The following C12orf42 variants were observed in gnomAD, a reference collection of about 807,000 sequenced individuals.
C12orf42 encodes chromosome 12 open reading frame 42, also known as uncharacterized protein C12orf42.
Under a neutral mutation model 21.6 loss-of-function variants are expected in C12orf42, and 25 were observed. The observed-to-expected ratio is 1.16, with a 90% CI of 0.84 to 1.62. The LOEUF (loss-of-function observed/expected upper bound fraction) is 1.62, where lower values mean the gene tolerates loss of function less well. Ranked by LOEUF, C12orf42 falls within the 40% of genes most tolerant of loss-of-function variation. The probability of loss-of-function intolerance (pLI) is 0.00; values close to 1 mark genes in which losing one functional copy is unlikely to be tolerated. For missense variants in C12orf42, 483 were observed against 459.3 expected, an observed-to-expected ratio of 1.05 and a Z score of -0.47; for synonymous variants, 174 against 175.0, an observed-to-expected ratio of 0.99 and a Z score of 0.05.
the C12orf42 span, among the ~76,000 whole-genome samples, chr12:103,197,818 C>T: frequency 6.6e-6 from 1 of 152,042 alleles, no homozygotes; most frequent in Admixed American, 6.6e-5. Flanking sequence ...TTCTGGATGA[C>T]TTCAGTGAGA....
chr12:103,286,145 G>A (rs535617201), intron 4 of C12orf42, among the ~76,000 whole-genome samples: 20 of 152,114 alleles, frequency 1.3e-4, no homozygotes, highest in Middle Eastern at 3.4e-3. Context: ...CAGCTACTCC[G>A]GAGGCTGAGG....
At chr12:103,260,765 A>T (rs1023274740) in intron 10 of C12orf42, among the ~76,000 whole-genome samples, 1 of 152,174 alleles carries the variant, frequency 6.6e-6, no homozygotes, top group African/African-American at 2.4e-5. Flanking sequence ...GTTTTTGCAT[A>T]GTTTATCCAG....
downstream of C12orf42, among the ~76,000 whole-genome samples, chr12:103,232,932 G>C (rs146639401): frequency 2.2e-3 from 329 of 152,030 alleles, 5 homozygotes; most frequent in African/African-American, 7.5e-3. Flanking sequence ...GTACCTATTG[G>C]GGGGGTATAT....
intron 4 of C12orf42, among the ~76,000 whole-genome samples, chr12:103,368,550 T>C (rs1242281216): frequency 1.3e-5 from 2 of 152,084 alleles, no homozygotes; most frequent in East Asian, 1.9e-4. Flanking sequence ...TTCTGTACTT[T>C]TGAAATTACA....
At chr12:103,555,371 T>C in the C12orf42 span, among the ~76,000 whole-genome samples, 1 of 152,088 alleles carries the variant, frequency 6.6e-6, no homozygotes, top group Non-Finnish European at 1.5e-5. Context: ...TCATGAGACT[T>C]ATTCACTATC....
the C12orf42 span, among the ~76,000 whole-genome samples, chr12:103,084,090 A>G: frequency 6.6e-6 from 1 of 152,204 alleles, no homozygotes; most frequent in East Asian, 1.9e-4. Flanking sequence ...AAATTTTATG[A>G]GAATTGGCAC....
the C12orf42 span, among the ~76,000 whole-genome samples, chr12:103,097,739 G>T: frequency 6.6e-6 from 1 of 152,202 alleles, no homozygotes; most frequent in African/African-American, 2.4e-5. Context: ...GACAGGTAAT[G>T]ATTTGTGACA....
the C12orf42 span, among the ~76,000 whole-genome samples, chr12:103,115,314 T>C: frequency 6.6e-6 from 1 of 152,190 alleles, no homozygotes; most frequent in African/African-American, 2.4e-5. Flanking sequence ...GTTGAAGTTT[T>C]AACATGATAT....
At chr12:103,135,691 T>C in the C12orf42 span, among the ~76,000 whole-genome samples, 1 of 152,004 alleles carries the variant, frequency 6.6e-6, no homozygotes, top group Non-Finnish European at 1.5e-5. Context: ...TAACAGTACA[T>C]CAAACAAATA....
At chr12:103,142,769 C>T in the C12orf42 span, among the ~76,000 whole-genome samples, 2 of 152,188 alleles carry the variant, frequency 1.3e-5, no homozygotes, top group African/African-American at 4.8e-5. Flanking sequence ...TATCTCCATA[C>T]TCAAGGCATT....
At chr12:103,126,412 T>C in the C12orf42 span, among the ~76,000 whole-genome samples, 6 of 152,212 alleles carry the variant, frequency 3.9e-5, no homozygotes, top group African/African-American at 1.4e-4. Flanking sequence ...TAACTAGGAA[T>C]GAGTAACTTC....
At chr12:103,496,877 G>A (rs1955570665), upstream of C12orf42, among the ~76,000 whole-genome samples, 2 of 147,116 alleles carry the variant, frequency 1.4e-5, no homozygotes, top group Admixed American at 1.4e-4. Flanking sequence ...TCATTCAAAG[G>A]TCTAGCAACT....
chr12:103,168,501 T>G, the C12orf42 span, among the ~76,000 whole-genome samples: 1 of 152,208 alleles, frequency 6.6e-6, no homozygotes, highest in Non-Finnish European at 1.5e-5. Context: ...CTTTACATAG[T>G]GAGCTTACAC....
chr12:103,127,253 T>C, the C12orf42 span, among the ~76,000 whole-genome samples: 1 of 152,214 alleles, frequency 6.6e-6, no homozygotes, highest in Admixed American at 6.5e-5. Context: ...CTAATTGTTG[T>C]GTTTCTTATA....
At chr12:103,214,985 C>T in the C12orf42 span, among the ~76,000 whole-genome samples, 1 of 152,148 alleles carries the variant, frequency 6.6e-6, no homozygotes, top group African/African-American at 2.4e-5. Flanking sequence ...TGCAACATTC[C>T]TCTCGAGCAA....
chr12:103,190,434 C>T, the C12orf42 span, among the ~76,000 whole-genome samples: 2 of 152,108 alleles, frequency 1.3e-5, no homozygotes, highest in East Asian at 3.9e-4. Flanking sequence ...AGAAACAAGG[C>T]TTCACCAGCC....
At chr12:103,461,479 A>G (rs1474560655) in intron 2 of C12orf42, among the ~76,000 whole-genome samples, 1 of 152,214 alleles carries the variant, frequency 6.6e-6, no homozygotes, top group East Asian at 1.9e-4. Flanking sequence ...TATCTTCCAG[A>G]CCCACTTTGC....
the C12orf42 span, among the ~76,000 whole-genome samples, chr12:103,208,332 G>GC: frequency 6.6e-6 from 1 of 152,060 alleles, no homozygotes; most frequent in South Asian, 2.1e-4. Flanking sequence ...TCCCCACACG[G>GC]CCCCCCTTTA....
At chr12:103,440,914 G>A (rs1259191109) in intron 2 of C12orf42, among the ~76,000 whole-genome samples, 1 of 152,114 alleles carries the variant, frequency 6.6e-6, no homozygotes, top group Non-Finnish European at 1.5e-5. Flanking sequence ...TAACCACAGA[G>A]TACACAAGAA....
Sources: gnomAD v4.1 joint callset for allele counts (sites outside exome capture counted in the v4.1 genomes callset) on GRCh38, gnomAD v4.1.1 for gene constraint, MANE v1.5 for transcripts, NCBI Gene and HGNC (gene_info 2026-07-23, HGNC 2026-07-21) for gene names.